The following NKAIN2 variants were observed in gnomAD, a reference collection of about 807,000 sequenced individuals.
The protein encoded by NKAIN2 is sodium/potassium-transporting ATPase subunit beta-1-interacting protein 2.
In NKAIN2, 14 loss-of-function variants were observed where a neutral mutation model predicts 32.6. That is an observed-to-expected ratio of 0.43 (90% CI 0.28 to 0.67). The LOEUF is 0.67. Ranked by LOEUF, NKAIN2 falls within the 30% of genes least tolerant of loss-of-function variation. The probability of loss-of-function intolerance (pLI) is 0.17; values close to 1 mark genes in which losing one functional copy is unlikely to be tolerated. For synonymous variants in NKAIN2, 80 were observed against 87.2 expected (o/e 0.92, Z 0.46); for missense variants, 198 against 258.3 (o/e 0.77, Z 1.60).
chr6:124,558,749 A>G (rs2114885923), intron 3 of NKAIN2, among the ~76,000 whole-genome samples: 1 of 152,310 alleles, frequency 6.6e-6, no homozygotes, highest in African/African-American at 2.4e-5. Context: ...GTAGTTTGAG[A>G]CCAGCCTGGC....
chr6:124,757,720 G>A (rs2114726123), intron 4 of NKAIN2, among the ~76,000 whole-genome samples: 1 of 152,314 alleles, frequency 6.6e-6, no homozygotes, highest in East Asian at 1.9e-4. Flanking sequence ...AGACATGTAT[G>A]TTTGTGTAAG....
At chr6:124,540,402 AG>A (rs1453924059) in intron 3 of NKAIN2, among the ~76,000 whole-genome samples, 1 of 152,240 alleles carries the variant, frequency 6.6e-6, no homozygotes, top group Admixed American at 6.5e-5. Flanking sequence ...TTAATATGCC[AG>A]CAGTTATAAA....
intron 1 of NKAIN2, among the ~76,000 whole-genome samples, chr6:123,899,577 G>C (rs926427423): frequency 6.6e-6 from 1 of 152,132 alleles, no homozygotes; most frequent in Non-Finnish European, 1.5e-5. Context: ...TAATCTTCAC[G>C]CACCTCATGC....
At chr6:124,337,884 G>C (rs1797947316) in intron 2 of NKAIN2, among the ~76,000 whole-genome samples, 1 of 152,158 alleles carries the variant, frequency 6.6e-6, no homozygotes. Context: ...TCCTCATGAG[G>C]AACAAGGGGT....
At chr6:124,611,487 C>T (rs567993262) in intron 3 of NKAIN2, among the ~76,000 whole-genome samples, 4 of 152,162 alleles carry the variant, frequency 2.6e-5, no homozygotes, top group African/African-American at 4.8e-5. Flanking sequence ...GTTTTAAGCC[C>T]TGCATGCATT....
intron 2 of NKAIN2, among the ~76,000 whole-genome samples, chr6:124,303,871 G>A (rs1357319638): frequency 6.6e-6 from 1 of 152,166 alleles, no homozygotes; most frequent in Non-Finnish European, 1.5e-5. Context: ...GGATTCAAGG[G>A]ATATAGAGAT....
At chr6:123,854,201 T>C (rs1162426110) in intron 1 of NKAIN2, among the ~76,000 whole-genome samples, 2 of 152,230 alleles carry the variant, frequency 1.3e-5, no homozygotes, top group Non-Finnish European at 2.9e-5. Context: ...ATTTGAAATA[T>C]ACTTTGTTAT....
intron 3 of NKAIN2, among the ~76,000 whole-genome samples, chr6:124,610,666 C>T (rs1482838231): frequency 2.6e-5 from 4 of 152,066 alleles, no homozygotes; most frequent in Admixed American, 6.6e-5. Context: ...TCATTATGTC[C>T]TTATGTCTCA....
chr6:124,532,159 G>A (rs1322098292), intron 3 of NKAIN2, among the ~76,000 whole-genome samples: 1 of 152,136 alleles, frequency 6.6e-6, no homozygotes, highest in African/African-American at 2.4e-5. Context: ...ACAAGCCGTG[G>A]AAGAAGGTGC....
chr6:124,493,717 CAAA>C (rs71021496), intron 3 of NKAIN2, among the ~76,000 whole-genome samples: 1,155 of 85,466 alleles, frequency 0.014, 6 homozygotes, highest in East Asian at 0.031. Flanking sequence ...CCCCCCCCTC[CAAA>C]AAAAAAAAAA....
intron 3 of NKAIN2, among the ~76,000 whole-genome samples, chr6:124,386,797 C>T (rs892545164): frequency 1.3e-5 from 2 of 152,132 alleles, no homozygotes; most frequent in Admixed American, 1.3e-4. Flanking sequence ...TCTTCAATAT[C>T]ATCTCATCCC....
At chr6:124,141,363 T>C (rs1787130083) in intron 1 of NKAIN2, among the ~76,000 whole-genome samples, 2 of 152,198 alleles carry the variant, frequency 1.3e-5, no homozygotes, top group African/African-American at 4.8e-5. Flanking sequence ...TATAAAAGTT[T>C]ATTTTATTTC....
intron 1 of NKAIN2, among the ~76,000 whole-genome samples, chr6:123,909,034 A>G (rs1251425119): frequency 6.6e-6 from 1 of 152,208 alleles, no homozygotes; most frequent in Non-Finnish European, 1.5e-5. Flanking sequence ...AACCTGACTC[A>G]TCAATTAGCT....
chr6:124,025,357 A>G (rs184640207), intron 1 of NKAIN2, among the ~76,000 whole-genome samples: 22 of 152,196 alleles, frequency 1.4e-4, no homozygotes, highest in Non-Finnish European at 4.4e-5. Flanking sequence ...TCTTCTCCCA[A>G]TATACCCCCA....
chr6:123,849,762 A>G (rs1775238057), intron 1 of NKAIN2, among the ~76,000 whole-genome samples: 1 of 152,094 alleles, frequency 6.6e-6, no homozygotes, highest in African/African-American at 2.4e-5. Context: ...GTGTTAAATT[A>G]CTTCTTGGAT....
intron 3 of NKAIN2, among the ~76,000 whole-genome samples, chr6:124,400,275 A>G (rs1162724651): frequency 3.3e-5 from 5 of 152,074 alleles, no homozygotes; most frequent in Non-Finnish European, 5.9e-5. Context: ...TAAGTTGCCA[A>G]TTGATTTTAG....
chr6:123,967,278 T>A (rs941993142), intron 1 of NKAIN2, among the ~76,000 whole-genome samples: 1 of 152,194 alleles, frequency 6.6e-6, no homozygotes, highest in African/African-American at 2.4e-5. Context: ...CTCCGAGAGT[T>A]TTCTTTGAAA....
chr6:124,553,331 G>C (rs1780358826), intron 3 of NKAIN2, among the ~76,000 whole-genome samples: 1 of 152,196 alleles, frequency 6.6e-6, no homozygotes, highest in African/African-American at 2.4e-5. Flanking sequence ...TTTTGAGACA[G>C]AGTTTCGCTC....
chr6:123,936,834 A>C (rs1242573048), intron 1 of NKAIN2, among the ~76,000 whole-genome samples: 1 of 152,144 alleles, frequency 6.6e-6, no homozygotes, highest in Non-Finnish European at 1.5e-5. Context: ...ATTACAGTAC[A>C]TGGTGTTCAA....
Sources: allele counts gnomAD v4.1 joint callset (sites outside exome capture counted in the v4.1 genomes callset), GRCh38; gene constraint gnomAD v4.1.1; transcripts MANE v1.5; gene names NCBI Gene and HGNC (gene_info 2026-07-23, HGNC 2026-07-21).